The following RALA variants were observed in gnomAD, a reference collection of about 807,000 sequenced individuals.
RALA encodes the protein ras-related protein Ral-A.
Under a neutral mutation model 24.0 loss-of-function variants are expected in RALA, and 5 were observed. That is an observed-to-expected ratio of 0.21 (90% confidence interval 0.11 to 0.44). The LOEUF is 0.44. RALA is among the 20% of genes least tolerant of loss of function. The probability of loss-of-function intolerance (pLI) is 0.99; values close to 1 mark genes in which losing one functional copy is unlikely to be tolerated. For synonymous variants in RALA, 77 were observed against 83.8 expected (o/e 0.92, Z 0.44); for missense variants, 95 against 241.2 (o/e 0.39, Z 4.01).
chr7:39,693,224 A>G (rs991425809), intron 3 of RALA, among the ~76,000 whole-genome samples: 1 of 152,220 alleles, frequency 6.6e-6, no homozygotes, highest in African/African-American at 2.4e-5. Flanking sequence ...TACACCATGG[A>G]ATACTATGCA....
intron 1 of RALA, among the ~76,000 whole-genome samples, chr7:39,640,466 G>A (rs1791793133): frequency 6.6e-6 from 1 of 152,088 alleles, no homozygotes; most frequent in Non-Finnish European, 1.5e-5. Context: ...TCTTTTTCCT[G>A]TTTCTTTTTA....
In RALA at chr7:39,706,185, T is replaced by C. The variant is rs1470277162; in HGVS notation, c.561T>C (p.Asn187=). The C allele has an allele frequency of 6.2e-7, 1 of 1,609,866 alleles. No individual in the cohort carries two copies. The highest frequency in any genetic ancestry group is 1.1e-5 in the South Asian group (1 of 90,372). ...AGATGGAAGACAGCAAAGAAAAGAA[T>C]GGAAAAAAGAAGAGGAAAAGTTTAG... ...ARKMEDSKEK[N]GKKKRKSLAK... Residue 187 remains asparagine, a synonymous_variant, in exon 5 of 5, where the codon AAT becomes AAC. Coordinates refer to ENST00000005257, the MANE Select transcript of RALA (RefSeq NM_005402.4).
chr7:39,658,066 A>G (rs1792124717), intron 1 of RALA, among the ~76,000 whole-genome samples: 1 of 152,206 alleles, frequency 6.6e-6, no homozygotes, highest in African/African-American at 2.4e-5. Flanking sequence ...TGATGTTAAG[A>G]CATGTTGGAA....
intron 4 of RALA, among the ~76,000 whole-genome samples, chr7:39,704,376 C>G (rs1248452113): frequency 1.3e-5 from 2 of 151,894 alleles, no homozygotes; most frequent in Admixed American, 1.3e-4. Flanking sequence ...GGCTGGAGTT[C>G]AGTGGCACGA....
At chr7:39,662,324 T>C (rs1363993401) in intron 1 of RALA, among the ~76,000 whole-genome samples, 3 of 152,206 alleles carry the variant, frequency 2.0e-5, no homozygotes, top group Admixed American at 1.3e-4. Flanking sequence ...GCTCCGCAGA[T>C]TTCTGCAGAC....
intron 1 of RALA, among the ~76,000 whole-genome samples, chr7:39,678,265 T>G (rs1046123438): frequency 1.3e-5 from 2 of 152,164 alleles, no homozygotes; most frequent in African/African-American, 4.8e-5. Flanking sequence ...GTGTGTTGTT[T>G]TAAGCCACTA....
chr7:39,662,495 A>T (rs913334031), intron 1 of RALA, among the ~76,000 whole-genome samples: 5 of 152,166 alleles, frequency 3.3e-5, no homozygotes, highest in Non-Finnish European at 7.4e-5. Context: ...TTCTTCCACC[A>T]GATGCCCTAA....
chr7:39,686,351 G>C (rs530431278), intron 1 of RALA, among the ~76,000 whole-genome samples: 1 of 152,286 alleles, frequency 6.6e-6, no homozygotes, highest in African/African-American at 2.4e-5. Flanking sequence ...TCAGCATGCA[G>C]TTGTACTGGG....
intron 1 of RALA, among the ~76,000 whole-genome samples, chr7:39,643,625 G>A (rs2115948972): frequency 6.6e-6 from 1 of 152,350 alleles, no homozygotes. Context: ...GGAGGCAGAT[G>A]CAGGCGGATC....
intron 1 of RALA, among the ~76,000 whole-genome samples, chr7:39,667,494 C>T (rs775140245): frequency 1.4e-4 from 22 of 152,166 alleles, no homozygotes; most frequent in Non-Finnish European, 2.5e-4. Context: ...TGAAGCAGGG[C>T]GAAGGAAGGG....
At chr7:39,689,743 C>T (rs1454301003) in intron 2 of RALA, among the ~76,000 whole-genome samples, 2 of 152,144 alleles carry the variant, frequency 1.3e-5, no homozygotes, top group African/African-American at 4.8e-5. Context: ...ATAGTAAGGC[C>T]TTGTCTGCGT....
rs1397496636 is a variant in RALA, at chr7:39,677,267, A to C, written c.-37-9364A>C. Reference sequence around the variant, plus strand: ...GCCCTTTAAGATTCATTTTGATCTCATTGTTCAATTCCCACCTATGAGTGA... The same window carrying C: ...GCCCTTTAAGATTCATTTTGATCTCCTTGTTCAATTCCCACCTATGAGTGA... On this transcript the variant is annotated intron_variant, in intron 1 of 4. Transcript: ENST00000005257. 1.3e-5 allele frequency among the ~76,000 whole-genome samples: 2 copies of C among 152,032 alleles called. 1 individual carries two copies. Among genetic ancestry groups the C allele is most frequent in the African/African-American group, 4.8e-5 (2 of 41,390 alleles).
intron 1 of RALA, among the ~76,000 whole-genome samples, chr7:39,665,170 C>T (rs1792261157): frequency 6.6e-6 from 1 of 152,072 alleles, no homozygotes; most frequent in Non-Finnish European, 1.5e-5. Flanking sequence ...ACCTCTTTTT[C>T]CTCTGCTACC....
At chr7:39,630,998 GTTTTTTGTTTTTGT>G (rs1380666787) in intron 1 of RALA, among the ~76,000 whole-genome samples, 1 of 133,416 alleles carries the variant, frequency 7.5e-6, no homozygotes, top group Non-Finnish European at 1.6e-5. Flanking sequence ...TTCATTGCTG[GTTTTTTGTTTTTGT>G]TTTTTTTTTT....
intron 3 of RALA, among the ~76,000 whole-genome samples, chr7:39,691,658 A>G (rs530405566): frequency 6.6e-6 from 1 of 152,370 alleles, no homozygotes; most frequent in East Asian, 1.9e-4. Flanking sequence ...GAAAATCTCA[A>G]GAACTTATTC....
intron 1 of RALA, among the ~76,000 whole-genome samples, chr7:39,628,243 C>CT (rs1791528628): frequency 1.3e-5 from 2 of 152,042 alleles, no homozygotes; most frequent in Non-Finnish European, 2.9e-5. Flanking sequence ...AACAAAAAAC[C>CT]TTTAAGACTG....
At position 39,653,502 on chromosome 7, in the gene RALA, A is replaced by T. The variant is rs1471282466; in HGVS notation, c.-38+29677A>T. 6.6e-5 allele frequency among the ~76,000 whole-genome samples: 10 copies of T among 151,842 alleles called. No individual in the cohort carries two copies. The East Asian group carries it at 1.9e-3, about 29-fold the overall frequency. On this transcript the variant is annotated intron_variant, in intron 1 of 4. Transcript: ENST00000005257. ...ACCATGCCTGGCCAATTTTTAAAAC[A>T]TTTTTAGTAGAGATGAGACCTTGCT...
chr7:39,700,046 G>A (rs1383829907), intron 4 of RALA, among the ~76,000 whole-genome samples: 1 of 152,146 alleles, frequency 6.6e-6, no homozygotes, highest in Non-Finnish European at 1.5e-5. Context: ...ACTTGAGTAG[G>A]TAGAGATTTT....
At chr7:39,630,802 TA>T (rs1791584985) in intron 1 of RALA, among the ~76,000 whole-genome samples, 1 of 152,156 alleles carries the variant, frequency 6.6e-6, no homozygotes, top group African/African-American at 2.4e-5. Flanking sequence ...CAGTTGGGTA[TA>T]TTTTTTTTCT....
Sources: gnomAD v4.1 joint callset for allele counts (sites outside exome capture counted in the v4.1 genomes callset) on GRCh38, gnomAD v4.1.1 for gene constraint, MANE v1.5 for transcripts, NCBI Gene and HGNC (gene_info 2026-07-23, HGNC 2026-07-21) for gene names.